Variants in COTL1 observed in about 807,000 individuals in gnomAD.
The protein encoded by COTL1 is coactosin like F-actin binding protein 1.
A neutral mutation model predicts 16.5 loss-of-function variants in COTL1; 15 were observed. The ratio of observed to expected loss-of-function variants is 0.91; its 90% CI spans 0.61 to 1.40. The LOEUF (loss-of-function observed/expected upper bound fraction) is 1.40. COTL1 is among the 40% of genes most tolerant of loss of function. The pLI is 0.00. For synonymous variants in COTL1, 112 were observed against 85.3 expected (o/e 1.31, Z -1.73); for missense variants, 220 against 201.5 (o/e 1.09, Z -0.56).
intron 3 of COTL1, among the ~76,000 whole-genome samples, chr16:84,579,148 C>G (rs1279953087): frequency 6.6e-6 from 1 of 152,258 alleles, no homozygotes; most frequent in Non-Finnish European, 1.5e-5. Context: ...ATGGGTATCA[C>G]AGACTTACAT....
intron 2 of COTL1, chr16:84,615,876 T>TGTGC (rs755850381): frequency 1.3e-4 from 19 of 150,056 alleles, no homozygotes; most frequent in Middle Eastern, 3.4e-3. Flanking sequence ...TGTGTGTGTG[T>TGTGC]GCGCGCACGC....
intron 2 of COTL1, among the ~76,000 whole-genome samples, chr16:84,600,085 C>T (rs1421043332): frequency 6.6e-6 from 1 of 152,142 alleles, no homozygotes; most frequent in African/African-American, 2.4e-5. Context: ...GAAGGGAGAG[C>T]TCTCATTACT....
chr16:84,599,633 G>T (rs1905072673), intron 2 of COTL1, among the ~76,000 whole-genome samples: 2 of 152,166 alleles, frequency 1.3e-5, no homozygotes, highest in Non-Finnish European at 2.9e-5. Context: ...GAACTTTAGA[G>T]CAAGGCCAAA....
chr16:84,591,125 G>A (rs1326262376), intron 2 of COTL1, among the ~76,000 whole-genome samples: 1 of 151,268 alleles, frequency 6.6e-6, no homozygotes, highest in Non-Finnish European at 1.5e-5. Flanking sequence ...AATCCACTAT[G>A]CTAAGTTCCC....
At chr16:84,577,168 C>G (rs1904471340) in intron 3 of COTL1, 1 of 152,140 alleles carries the variant, frequency 6.6e-6, no homozygotes, top group Admixed American at 6.6e-5. Flanking sequence ...GCTTGAAAGA[C>G]CGAGGTTTTA....
intron 3 of COTL1, among the ~76,000 whole-genome samples, chr16:84,571,306 G>C (rs1904332838): frequency 6.6e-6 from 1 of 152,190 alleles, no homozygotes; most frequent in African/African-American, 2.4e-5. Context: ...GATGGACGGA[G>C]GACACTGGAG....
intron 2 of COTL1, among the ~76,000 whole-genome samples, chr16:84,608,424 A>G (rs555832969): frequency 6.6e-6 from 1 of 152,280 alleles, no homozygotes; most frequent in Admixed American, 6.5e-5. Context: ...GAAAGCACAA[A>G]CATCACCATG....
Position 84,612,999 on chromosome 16 carries a change from TTTCTTTC to T in COTL1, c.160+4495_160+4501del, listed in dbSNP as rs1180933992. 9.7e-3 allele frequency among the ~76,000 whole-genome samples: 1,131 copies of T among 116,830 alleles called. 28 individuals are homozygous for T. The highest frequency in any genetic ancestry group is 0.078 in the Admixed American group (954 of 12,284). 76.6% of individuals were successfully genotyped at this position (116,830 alleles called of 152,430 possible). On this transcript the variant is annotated intron_variant, in intron 2 of 3. Coordinates refer to ENST00000262428, the MANE Select transcript of COTL1 (RefSeq NM_021149.5). ...TCTAGAATGACTCTTTCTTTCTTTC[TTTCTTTC>T]TTTTTTTTTTTTGAGATAGAGTCTC...
intron 2 of COTL1, among the ~76,000 whole-genome samples, chr16:84,612,628 C>T (rs1205705271): frequency 2.6e-5 from 4 of 152,038 alleles, no homozygotes; most frequent in African/African-American, 7.2e-5. Context: ...ACTAAAAATA[C>T]AAAAACTTGC....
intron 2 of COTL1, chr16:84,595,554 G>T (rs1204890658): frequency 6.6e-6 from 1 of 152,190 alleles, no homozygotes; most frequent in Non-Finnish European, 1.5e-5. Flanking sequence ...TCCCTCTTCT[G>T]AACAAATTGG....
chr16:84,590,194 C>T lies in COTL1; in HGVS notation c.229G>A (p.Ala77Thr). 2 of 1,614,214 alleles carry T rather than the reference C, an allele frequency of 1.2e-6. No homozygotes were observed. The highest frequency in any genetic ancestry group is 1.7e-6 in the Non-Finnish European group (2 of 1,180,030). Residue 77 changes from alanine to threonine, a missense_variant, in exon 3 of 4, where the codon GCC becomes ACC. Physicochemically the swap from Ala to Thr is moderately conservative, Grantham distance 58 (BLOSUM62 0). Coordinates refer to ENST00000262428, the MANE Select transcript of COTL1 (RefSeq NM_021149.5). The surrounding 1 kb of genome is among the most constrained non-coding windows in gnomAD (Gnocchi z 5.5). ...TTCTCACCGATCCACGTGATGAGGG[C>T]AAACTTGGACCTCTTGCTCATGGCA... The part of the protein sequence containing the change: ...GDAMSKRSKF[A>T]LITWIGENVS...
intron 3 of COTL1, among the ~76,000 whole-genome samples, chr16:84,582,773 A>G (rs1904628175): frequency 6.6e-6 from 1 of 152,122 alleles, no homozygotes; most frequent in African/African-American, 2.4e-5. Flanking sequence ...GAAATTTTAC[A>G]TTCTCTTTTT....
intron 2 of COTL1, among the ~76,000 whole-genome samples, chr16:84,607,644 C>T (rs192768864): frequency 6.6e-6 from 1 of 152,246 alleles, no homozygotes; most frequent in East Asian, 1.9e-4. Context: ...GGCTGGCCAG[C>T]ACCTGTCATA....
At chr16:84,611,586 G>A (rs2966307) in intron 2 of COTL1, among the ~76,000 whole-genome samples, 146,636 of 152,294 alleles carry the variant, frequency 0.96, 70,840 homozygotes, top group East Asian at 1. Flanking sequence ...TTCTGCTTCT[G>A]TATTTATCCT....
chr16:84,618,003 G>A lies in COTL1; in HGVS notation c.-89C>T, dbSNP rs1905550161. ...GATGGGAGCGCGGCGGGTACGCGCC[G>A]AGGGCGCACGGGCTGGCGGCGGTGG... On this transcript the variant is annotated 5_prime_UTR_variant, in exon 1 of 4. Coordinates refer to ENST00000262428, the MANE Select transcript of COTL1 (RefSeq NM_021149.5). The A allele has an allele frequency of 3.5e-6, 3 of 846,686 alleles. No individual in the cohort carries two copies. Among genetic ancestry groups the A allele is most frequent in the Admixed American group, 4.9e-5 (1 of 20,542 alleles). 52.4% of individuals were successfully genotyped at this position (846,686 alleles called of 1,614,324 possible).
At chr16:84,579,249 C>T (rs1338054954) in intron 3 of COTL1, among the ~76,000 whole-genome samples, 8 of 152,254 alleles carry the variant, frequency 5.3e-5, no homozygotes, top group Non-Finnish European at 4.4e-5. Context: ...GTAATCCCAG[C>T]ACTTTGGGAG....
At chr16:84,607,082 C>T (rs1451970663) in intron 2 of COTL1, among the ~76,000 whole-genome samples, 1 of 152,142 alleles carries the variant, frequency 6.6e-6, no homozygotes, top group Non-Finnish European at 1.5e-5. Context: ...GGGGATTCCC[C>T]GCCAAGGATA....
chr16:84,570,705 G>C (rs987968418), intron 3 of COTL1, among the ~76,000 whole-genome samples: 2 of 152,116 alleles, frequency 1.3e-5, no homozygotes, highest in Non-Finnish European at 2.9e-5. Flanking sequence ...CTCTCTGCTC[G>C]GTAGAAAATA....
At chr16:84,567,959 C>T (rs1904305733) in intron 3 of COTL1, 1 of 2,244 alleles carries the variant, frequency 4.5e-4, no homozygotes, top group Non-Finnish European at 8.3e-4. Context: ...AAATCATCCA[C>T]ATTAAAAAAA....
Sources: allele counts gnomAD v4.1 joint callset (sites outside exome capture counted in the v4.1 genomes callset), GRCh38; gene constraint gnomAD v4.1.1; non-coding constraint Gnocchi (gnomAD v3.1); transcripts MANE v1.5; gene names NCBI Gene and HGNC (gene_info 2026-07-23, HGNC 2026-07-21).